AGPS: variants seen among roughly 807,000 people sequenced by gnomAD.
The protein encoded by AGPS is alkyldihydroxyacetonephosphate synthase, peroxisomal.
A neutral mutation model predicts 90.7 loss-of-function variants in AGPS; 26 were observed. The ratio of observed to expected loss-of-function variants is 0.29; its 90% CI spans 0.21 to 0.40. The LOEUF is 0.40. Ranked by LOEUF, AGPS falls within the 10% of genes least tolerant of loss-of-function variation. The pLI is 1.00. For missense variants in AGPS, 540 were observed against 816.1 expected (o/e 0.66, Z 4.12); for synonymous variants, 294 against 285.3 (o/e 1.03, Z -0.31).
rs868290321 is a variant in AGPS at position 177,409,404 on chromosome 2, T to A, written c.261-10865T>A. Among the ~76,000 whole-genome samples, 1,201 of 132,726 alleles carry A rather than the reference T, an allele frequency of 9.0e-3. 14 individuals are homozygous for A. Among genetic ancestry groups the A allele is most frequent in the African/African-American group, 0.031 (1,114 of 35,786 alleles). The allele number at this position is 132,726 out of a possible 152,430, so 87.1% of individuals were successfully genotyped here. A position where few individuals can be genotyped will look rare whatever the true frequency, so the allele number is the denominator to read the frequency against. On this transcript the variant is annotated intron_variant, in intron 1 of 19. Coordinates refer to ENST00000264167, the MANE Select transcript of AGPS (RefSeq NM_003659.4). Reference sequence around the variant, plus strand: ...ATGATTTGACTTTTTTTTTTTTTTTTACCTCCTGCTTTAGCCTAATTTGTA... The same window carrying A: ...ATGATTTGACTTTTTTTTTTTTTTTAACCTCCTGCTTTAGCCTAATTTGTA...
At chr2:177,394,749 G>A (rs1373077123) in intron 1 of AGPS, among the ~76,000 whole-genome samples, 2 of 152,174 alleles carry the variant, frequency 1.3e-5, no homozygotes, top group Non-Finnish European at 1.5e-5. Context: ...AACGGGAACA[G>A]TAATCCTGTT....
intron 1 of AGPS, among the ~76,000 whole-genome samples, chr2:177,413,169 G>A (rs531706825): frequency 6.6e-6 from 1 of 152,276 alleles, no homozygotes; most frequent in East Asian, 1.9e-4. Flanking sequence ...CAACAATTAC[G>A]GTTTACAACA....
At chr2:177,501,140 A>C (rs1330328261) in intron 14 of AGPS, among the ~76,000 whole-genome samples, 1 of 152,224 alleles carries the variant, frequency 6.6e-6, no homozygotes, top group Non-Finnish European at 1.5e-5. Context: ...CTTGGATTTC[A>C]TAATTTCTAA....
chr2:177,511,724 T>C (rs1482101153), intron 16 of AGPS, among the ~76,000 whole-genome samples: 3 of 152,228 alleles, frequency 2.0e-5, no homozygotes, highest in African/African-American at 7.2e-5. Context: ...AAAGGATTGA[T>C]CCAAGTGGAC....
At chr2:177,425,623 A>G (rs542861920) in intron 2 of AGPS, among the ~76,000 whole-genome samples, 295 of 4,902 alleles carry the variant, frequency 0.06, 4 homozygotes, top group African/African-American at 0.11. Flanking sequence ...CTCTGCCTAG[A>G]AAAAAAAAAA....
At chr2:177,495,928 A>G (rs1688401027) in intron 12 of AGPS, among the ~76,000 whole-genome samples, 1 of 151,450 alleles carries the variant, frequency 6.6e-6, no homozygotes, top group Admixed American at 6.6e-5. Context: ...AAAAAAAAAA[A>G]AAAAAAAAAA....
chr2:177,401,126 A>G (rs1559030822), intron 1 of AGPS, among the ~76,000 whole-genome samples: 1 of 152,174 alleles, frequency 6.6e-6, no homozygotes, highest in Non-Finnish European at 1.5e-5. Context: ...TGACTTTTAA[A>G]TTTTGTTTAA....
At chr2:177,537,014 GTTGAT>G (rs1214782081) in intron 19 of AGPS, among the ~76,000 whole-genome samples, 1 of 152,140 alleles carries the variant, frequency 6.6e-6, no homozygotes, top group Non-Finnish European at 1.5e-5. Context: ...TTAAATCACT[GTTGAT>G]GACTTTGGAT....
At position 177,493,176 on chromosome 2, in the gene AGPS, T is replaced by C. The variant is rs1688318210; in HGVS notation, c.1262T>C (p.Met421Thr). The change falls in exon 12 of 20, where the codon ATG becomes ACG. Residue 421 changes from methionine to threonine, a missense_variant. Transcript: ENST00000264167. ...TGTGCTCCGGCATCTATTCGCCTCA[T>C]GGACAACAAGCAGTTTCAGTTTGGT... Reference protein sequence around the residue: ...QRCAPASIRLMDNKQFQFGHA... With the variant: ...QRCAPASIRLTDNKQFQFGHA... 3.1e-6 allele frequency: 5 copies of C among 1,613,550 alleles called. No homozygotes were observed. Among genetic ancestry groups the C allele is most frequent in the Non-Finnish European group, 4.2e-6 (5 of 1,179,718 alleles).
At chr2:177,476,122 T>C (rs2105686122) in intron 10 of AGPS, among the ~76,000 whole-genome samples, 1 of 152,248 alleles carries the variant, frequency 6.6e-6, no homozygotes, top group African/African-American at 2.4e-5. Flanking sequence ...TTTGGAGAAC[T>C]ACCTTTTGGT....
chr2:177,446,441 GA>G (rs1448243315), intron 8 of AGPS, among the ~76,000 whole-genome samples: 1 of 152,134 alleles, frequency 6.6e-6, no homozygotes, highest in African/African-American at 2.4e-5. Flanking sequence ...ACGCCTGGCC[GA>G]CTGTTGCTTT....
chr2:177,488,425 C>A (rs1237937856), intron 11 of AGPS, among the ~76,000 whole-genome samples: 1 of 151,960 alleles, frequency 6.6e-6, no homozygotes, highest in Non-Finnish European at 1.5e-5. Context: ...ACCGTGTTAG[C>A]CAGGATTGTC....
chr2:177,420,196 TAATC>T lies in AGPS; in HGVS notation c.261-69_261-66del, dbSNP rs747844252. On this transcript the variant is annotated intron_variant, in intron 1 of 19. Coordinates refer to ENST00000264167, the MANE Select transcript of AGPS (RefSeq NM_003659.4). ...GGTATTTTAGATGATTGTGAGTTAA[TAATC>T]AATGATATACTGTACAGTTTTAAGA... 1.1e-4 allele frequency: 102 copies of T among 941,594 alleles called. 1 individual carries two copies. Among genetic ancestry groups the T allele is most frequent in the Non-Finnish European group, 1.6e-4 (95 of 586,424 alleles). The allele number at this position is 941,594 out of a possible 1,614,324, so 58.3% of individuals were successfully genotyped here.
At chr2:177,411,394 T>C (rs1650530384) in intron 1 of AGPS, among the ~76,000 whole-genome samples, 1 of 152,218 alleles carries the variant, frequency 6.6e-6, no homozygotes, top group South Asian at 2.1e-4. Context: ...TCTTCCTAGT[T>C]TTCCTTAGTC....
rs1000406850 is a variant in AGPS, at chr2:177,401,342, C to G, written c.260+8293C>G. Among the ~76,000 whole-genome samples the G allele has an allele frequency of 7.9e-5, 12 of 152,128 alleles. 1 individual carries two copies. The highest frequency in any genetic ancestry group is 2.9e-4 in the African/African-American group (12 of 41,424). On this transcript the variant is annotated intron_variant, in intron 1 of 19. Transcript: ENST00000264167. ...TTCTTTTCATTCTTTTAAGATCGAA[C>G]TTTCTTTTGAATTTATTCAAATTAA...
At chr2:177,519,036 A>C (rs1689104489) in intron 17 of AGPS, among the ~76,000 whole-genome samples, 1 of 152,080 alleles carries the variant, frequency 6.6e-6, no homozygotes, top group Non-Finnish European at 1.5e-5. Flanking sequence ...GTGAAGGTAT[A>C]TCTCCTCAAG....
intron 1 of AGPS, among the ~76,000 whole-genome samples, chr2:177,417,061 G>T (rs1381687258): frequency 6.6e-6 from 1 of 152,154 alleles, no homozygotes; most frequent in Admixed American, 6.5e-5. Flanking sequence ...TAGGGAATTT[G>T]GCTTCTGACA....
chr2:177,449,334 T>A (rs1357896257), intron 8 of AGPS, among the ~76,000 whole-genome samples: 1 of 152,260 alleles, frequency 6.6e-6, no homozygotes, highest in Non-Finnish European at 1.5e-5. Flanking sequence ...TTCCAGTTTC[T>A]CCATATCCTT....
intron 1 of AGPS, chr2:177,393,282 T>G: frequency 1.0e-6 from 1 of 985,366 alleles, no homozygotes; most frequent in Non-Finnish European, 1.2e-6. Context: ...GTAACAGGCT[T>G]GAAGAACTCT....
Sources: allele counts gnomAD v4.1 joint callset (sites outside exome capture counted in the v4.1 genomes callset), GRCh38; gene constraint gnomAD v4.1.1; transcripts MANE v1.5; gene names NCBI Gene and HGNC (gene_info 2026-07-23, HGNC 2026-07-21).